The following NRDC variants were observed in gnomAD, a reference collection of about 807,000 sequenced individuals.
The protein encoded by NRDC is nardilysin convertase.
A neutral mutation model predicts 147.1 loss-of-function variants in NRDC; 54 were observed. That is an observed-to-expected ratio of 0.37 (90% CI 0.29 to 0.46). The LOEUF is 0.46. Among genes scored for constraint, NRDC ranks in the 20% least tolerant of loss-of-function variants. The probability of loss-of-function intolerance (pLI) is 1.00; values close to 1 mark genes in which losing one functional copy is unlikely to be tolerated. For missense variants in NRDC, 1,082 were observed against 1,370.6 expected (o/e 0.79, Z 3.33); for synonymous variants, 440 against 482.1 (o/e 0.91, Z 1.14).
At position 51,806,912 on chromosome 1, in the gene NRDC, G is replaced by A. The variant is rs143969584; in HGVS notation, c.1992C>T (p.Ala664=). Residue 664 remains alanine (A), a splice_region_variant and synonymous_variant, in exon 18 of 31, where the codon GCC becomes GCT. Transcript: ENST00000352171. ...LHLPAENKYI[A]TDFTLKAFDC... Reference sequence around the variant, plus strand: ...CGAAAGCCTTCAACGTAAAGTCCGTGGCTAATAAAAGAAGATAATAATAAT... The same window carrying A: ...CGAAAGCCTTCAACGTAAAGTCCGTAGCTAATAAAAGAAGATAATAATAAT... The A allele has an allele frequency of 2.5e-6, 4 of 1,611,910 alleles. No individual in the cohort carries two copies. In the African/African-American group the frequency reaches 5.4e-5, roughly 22 times the overall value.
At chr1:51,857,760 C>T (rs1348918529) in intron 1 of NRDC, among the ~76,000 whole-genome samples, 1 of 152,136 alleles carries the variant, frequency 6.6e-6, no homozygotes, top group East Asian at 1.9e-4. Flanking sequence ...CAGGATCAGG[C>T]AGAAACTAGC....
chr1:51,863,013 G>GAAAAAAAAA (rs562410956), intron 1 of NRDC, among the ~76,000 whole-genome samples: 3 of 32,052 alleles, frequency 9.4e-5, no homozygotes, highest in South Asian at 1.5e-3. Context: ...CTGTGTGGAG[G>GAAAAAAAAA]AAAAAAAAAA....
intron 13 of NRDC, 77 bp from the exon 14 acceptor site, chr1:51,814,166 G>C (rs1223538558): frequency 1.1e-5 from 10 of 891,888 alleles, no homozygotes; most frequent in Non-Finnish European, 1.9e-5. Context: ...GGAGGAGGGA[G>C]AGGATCAGAA....
chr1:51,850,381 A>C (rs1421657391), intron 1 of NRDC, among the ~76,000 whole-genome samples: 1 of 152,124 alleles, frequency 6.6e-6, no homozygotes, highest in African/African-American at 2.4e-5. Context: ...TCATTTAGTG[A>C]GGAAAAAATA....
intron 16 of NRDC, 57 bp from the exon 17 acceptor site, chr1:51,809,458 T>C: frequency 8.8e-7 from 1 of 1,137,086 alleles, no homozygotes; most frequent in Non-Finnish European, 1.3e-6. Context: ...AACATTCTCT[T>C]AATAATAAAC....
At chr1:51,853,767 G>C (rs1250326970) in intron 1 of NRDC, among the ~76,000 whole-genome samples, 1 of 152,186 alleles carries the variant, frequency 6.6e-6, no homozygotes, top group African/African-American at 2.4e-5. Context: ...TTATATAAAT[G>C]AATCTGCTGA....
At chr1:51,859,088 G>C (rs1438627989) in intron 1 of NRDC, among the ~76,000 whole-genome samples, 2 of 152,146 alleles carry the variant, frequency 1.3e-5, no homozygotes, top group Non-Finnish European at 2.9e-5. Context: ...TCACCTAAGA[G>C]TTGTCCCATT....
intron 1 of NRDC, among the ~76,000 whole-genome samples, chr1:51,856,962 T>G (rs1237447542): frequency 1.3e-5 from 2 of 151,840 alleles, no homozygotes; most frequent in East Asian, 1.9e-4. Context: ...AACCAATATA[T>G]GTAACATTTG....
chr1:51,792,318 C>T (rs1678694372), intron 25 of NRDC, 59 bp downstream of exon 25: 16 of 1,556,766 alleles, frequency 1.0e-5, no homozygotes, highest in Middle Eastern at 3.4e-4. Context: ...CAGAAAAGGC[C>T]GGGCCTCATA....
At chr1:51,869,681 T>A (rs763049011) in intron 1 of NRDC, among the ~76,000 whole-genome samples, 18 of 152,216 alleles carry the variant, frequency 1.2e-4, no homozygotes, top group Non-Finnish European at 1.9e-4. Flanking sequence ...TTGTACCAAC[T>A]TTTTACTACT....
chr1:51,872,283 G>A (rs1683122527), intron 1 of NRDC, among the ~76,000 whole-genome samples: 1 of 152,148 alleles, frequency 6.6e-6, no homozygotes, highest in Admixed American at 6.5e-5. Flanking sequence ...TACTGCACCT[G>A]GCCAACAGAG....
At chr1:51,796,284 G>A (rs1057058822) in intron 22 of NRDC, among the ~76,000 whole-genome samples, 1 of 151,914 alleles carries the variant, frequency 6.6e-6, no homozygotes, top group Non-Finnish European at 1.5e-5. Context: ...TGTCACCCAG[G>A]CTGGAGTGCA....
intron 7 of NRDC, among the ~76,000 whole-genome samples, chr1:51,823,266 T>G (rs1471697609): frequency 6.6e-6 from 1 of 152,198 alleles, no homozygotes; most frequent in Non-Finnish European, 1.5e-5. Context: ...CAGGACCTTA[T>G]GTAAGAATGA....
rs191912307 is a variant in NRDC at position 51,878,603 on chromosome 1, C to T, written c.13G>A (p.Val5Ile). The T allele has an allele frequency of 5.0e-6, 8 of 1,611,220 alleles. No individual in the cohort carries two copies. In the Admixed American group the frequency reaches 8.4e-5, roughly 17 times the overall value. ...GTGGCACAGACTGCAGCAACAGTGA[C>T]TCTCCTCAGCATTCACCACCAAGCT... MLRR[V>I]TVAAVCATRR... Residue 5 changes from valine to isoleucine, a missense_variant, in exon 1 of 31, where the codon GTC becomes ATC. Transcript: ENST00000352171.
chr1:51,814,474 A>G, intron 13 of NRDC, 77 bp downstream of exon 13: 1 of 1,402,936 alleles, frequency 7.1e-7, no homozygotes, highest in Non-Finnish European at 9.9e-7. Flanking sequence ...GCAAGACTAA[A>G]GCATGTCTAC....
intron 21 of NRDC, 54 bp from the exon 22 acceptor site, chr1:51,798,465 T>C: frequency 7.0e-7 from 1 of 1,430,290 alleles, no homozygotes; most frequent in Non-Finnish European, 9.7e-7. Context: ...GAAATGAATC[T>C]TCAGAATAAA....
rs920490612 is a variant in NRDC at position 51,794,758 on chromosome 1, T to C, written c.2636+65A>G. 72 of 1,599,612 alleles carry C rather than the reference T, an allele frequency of 4.5e-5. No homozygotes were observed. In the Admixed American group the frequency reaches 1.1e-3, roughly 24 times the overall value. On this transcript the variant is annotated intron_variant, in intron 23 of 30. Coordinates refer to ENST00000352171, the MANE Select transcript of NRDC (RefSeq NM_001101662.2). The stretch of plus-strand genomic sequence containing the variant: ...GGGTGTTTAGTAACAATTAACTGAA[T>C]TGTGGCTCCATGCCCTCTCGCTGGT...
At chr1:51,854,656 G>A (rs1434889643) in intron 1 of NRDC, among the ~76,000 whole-genome samples, 1 of 152,224 alleles carries the variant, frequency 6.6e-6, no homozygotes, top group Non-Finnish European at 1.5e-5. Context: ...CAGCATGGTG[G>A]CTGACACCTG....
intron 29 of NRDC, 42 bp downstream of exon 29, chr1:51,790,491 C>T (rs746431244): frequency 6.3e-6 from 8 of 1,278,540 alleles, no homozygotes; most frequent in South Asian, 3.6e-5. Flanking sequence ...GAATCAGGAA[C>T]CTTGACCAGT....
Sources: allele counts gnomAD v4.1 joint callset (sites outside exome capture counted in the v4.1 genomes callset), GRCh38; gene constraint gnomAD v4.1.1; transcripts MANE v1.5; gene names NCBI Gene and HGNC (gene_info 2026-07-23, HGNC 2026-07-21).